The following RBFOX1 variants were observed in gnomAD, a reference collection of about 807,000 sequenced individuals.
RBFOX1 encodes the protein RNA binding protein fox-1 homolog 1.
Under a neutral mutation model 57.7 loss-of-function variants are expected in RBFOX1, and 8 were observed. That is an observed-to-expected ratio of 0.14 (90% CI 0.08 to 0.25). The LOEUF (loss-of-function observed/expected upper bound fraction) is 0.25, where lower values mean the gene tolerates loss of function less well. Among genes scored for constraint, RBFOX1 ranks in the 10% least tolerant of loss-of-function variants. The pLI, the probability that RBFOX1 is intolerant of heterozygous loss-of-function variation, is 1.00. For synonymous variants in RBFOX1, 326 were observed against 222.4 expected (o/e 1.47, Z -4.15); for missense variants, 611 against 548.5 (o/e 1.11, Z -1.14).
At chr16:6,381,160 A>G (rs1308138698) in intron 2 of RBFOX1, among the ~76,000 whole-genome samples, 1 of 152,154 alleles carries the variant, frequency 6.6e-6, no homozygotes, top group Non-Finnish European at 1.5e-5. Flanking sequence ...TAGATCCTAG[A>G]GACATTTTCA....
intron 4 of RBFOX1, among the ~76,000 whole-genome samples, chr16:7,247,126 G>C (rs1490200756): frequency 1.3e-5 from 2 of 152,154 alleles, no homozygotes; most frequent in Non-Finnish European, 2.9e-5. Context: ...CCTCAAGTGA[G>C]GAGGCTCAGC....
chr16:7,223,251 C>G (rs2092862219), intron 4 of RBFOX1, among the ~76,000 whole-genome samples: 1 of 152,304 alleles, frequency 6.6e-6, no homozygotes, highest in Admixed American at 6.5e-5. Context: ...GGTAAGACCT[C>G]TAGGGGAGTC....
intron 4 of RBFOX1, among the ~76,000 whole-genome samples, chr16:5,907,403 A>G (rs2058487190): frequency 6.6e-6 from 1 of 152,082 alleles, no homozygotes; most frequent in South Asian, 2.1e-4. Context: ...TCCCAGAGTC[A>G]TGCTGCTTTT....
chr16:7,502,834 C>G (rs185905542), intron 4 of RBFOX1, among the ~76,000 whole-genome samples: 1 of 151,988 alleles, frequency 6.6e-6, no homozygotes, highest in Admixed American at 6.6e-5. Context: ...ACCAGCCTGG[C>G]CAACATGGTG....
intron 4 of RBFOX1, among the ~76,000 whole-genome samples, chr16:5,870,258 A>G (rs1178800077): frequency 6.6e-6 from 1 of 151,274 alleles, no homozygotes; most frequent in Non-Finnish European, 1.5e-5. Flanking sequence ...AAGGGACCTA[A>G]TGGGAATGTC....
intron 3 of RBFOX1, among the ~76,000 whole-genome samples, chr16:5,816,121 A>T (rs919292388): frequency 6.6e-6 from 1 of 152,114 alleles, no homozygotes; most frequent in African/African-American, 2.4e-5. Context: ...CATTAGTTCC[A>T]ATTTGCAAAC....
At chr16:6,781,994 T>C (rs1391645268) in intron 3 of RBFOX1, among the ~76,000 whole-genome samples, 1 of 152,128 alleles carries the variant, frequency 6.6e-6, no homozygotes, top group Non-Finnish European at 1.5e-5. Flanking sequence ...TTTAGGTTTT[T>C]TGTTGCTGCT....
chr16:7,666,305 T>G (rs532116140), intron 13 of RBFOX1, among the ~76,000 whole-genome samples: 1 of 151,286 alleles, frequency 6.6e-6, no homozygotes, highest in South Asian at 2.1e-4. Context: ...GCTTTAGAAA[T>G]GAAAGGGAAT....
chr16:6,222,576 C>G (rs982832117), intron 1 of RBFOX1, among the ~76,000 whole-genome samples: 3 of 151,842 alleles, frequency 2.0e-5, no homozygotes, highest in Non-Finnish European at 2.9e-5. Context: ...GTGCACATAA[C>G]AATCACCTGA....
At position 6,607,493 on chromosome 16, in the gene RBFOX1, C is replaced by A. The variant is rs549652618; in HGVS notation, c.-63-47110C>A. 2.1e-5 allele frequency among the ~76,000 whole-genome samples: 3 copies of A among 141,796 alleles called. No homozygotes were observed. In the South Asian group the frequency reaches 6.9e-4, roughly 32 times the overall value. The allele number at this position is 141,796 out of a possible 152,430, so 93.0% of individuals were successfully genotyped here. ...CCTCTGTCTCTCCTTACTCTTTCTT[C>A]CTCTCTCTCCCCTCTCTTCTCTCTC... On this transcript the variant is annotated intron_variant, in intron 2 of 15. Coordinates refer to ENST00000550418, the MANE Select transcript of RBFOX1 (RefSeq NM_018723.4).
At chr16:6,871,598 C>G (rs1567651525) in intron 3 of RBFOX1, among the ~76,000 whole-genome samples, 1 of 152,048 alleles carries the variant, frequency 6.6e-6, no homozygotes, top group African/African-American at 2.4e-5. Flanking sequence ...TCTCCATTCT[C>G]CTTCTATTCT....
chr16:7,126,289 C>T (rs751694046), intron 4 of RBFOX1: 1 of 316,404 alleles, frequency 3.2e-6, no homozygotes, highest in Non-Finnish European at 6.1e-6. Flanking sequence ...AAGGACTCAG[C>T]TCCTTACATG....
At chr16:5,737,779 C>G (rs1376425856) in intron 3 of RBFOX1, among the ~76,000 whole-genome samples, 2 of 152,062 alleles carry the variant, frequency 1.3e-5, no homozygotes, top group Non-Finnish European at 2.9e-5. Context: ...AAATGGATGA[C>G]ATGGAGTAAT....
chr16:7,653,651 C>T (rs1417469998), intron 11 of RBFOX1, among the ~76,000 whole-genome samples, 164 bp from the exon 12 acceptor site: 3 of 152,196 alleles, frequency 2.0e-5, no homozygotes, highest in Non-Finnish European at 2.9e-5. Flanking sequence ...CCCACCCTGG[C>T]CACCGTGCTG....
chr16:7,118,907 G>C (rs937792869), intron 4 of RBFOX1, among the ~76,000 whole-genome samples: 64 of 152,232 alleles, frequency 4.2e-4, no homozygotes, highest in African/African-American at 1.5e-3. Context: ...TTGTTGTTCT[G>C]GTTATGATAT....
At chr16:6,513,392 T>C (rs1176936712) in intron 2 of RBFOX1, among the ~76,000 whole-genome samples, 1 of 152,112 alleles carries the variant, frequency 6.6e-6, no homozygotes, top group African/African-American at 2.4e-5. Flanking sequence ...CATCAAACTT[T>C]TCAGGGGAAG....
At chr16:7,048,964 C>T (rs1320781158) in intron 3 of RBFOX1, among the ~76,000 whole-genome samples, 1 of 151,958 alleles carries the variant, frequency 6.6e-6, no homozygotes, top group East Asian at 1.9e-4. Context: ...GGGTGTCTCC[C>T]ATATATATAT....
At chr16:5,604,894 C>T (rs759071886), downstream of RBFOX1, among the ~76,000 whole-genome samples, 5 of 152,168 alleles carry the variant, frequency 3.3e-5, no homozygotes, top group East Asian at 1.9e-4. Context: ...CTCTGTAGGA[C>T]GTCCCCTGCT....
intron 1 of RBFOX1, among the ~76,000 whole-genome samples, chr16:5,314,226 G>A (rs1478843948): frequency 6.6e-6 from 1 of 152,202 alleles, no homozygotes; most frequent in East Asian, 1.9e-4. Context: ...TCTAAGCTTA[G>A]GCAACCCAAC....
Sources: allele counts gnomAD v4.1 joint callset (sites outside exome capture counted in the v4.1 genomes callset), GRCh38; gene constraint gnomAD v4.1.1; transcripts MANE v1.5; gene names NCBI Gene and HGNC (gene_info 2026-07-23, HGNC 2026-07-21).